The following LRRIQ4 variants were observed in gnomAD, a reference collection of about 807,000 sequenced individuals.
LRRIQ4 encodes the protein leucine rich repeats and IQ motif containing 4.
Under a neutral mutation model 40.1 loss-of-function variants are expected in LRRIQ4, and 21 were observed. The observed-to-expected ratio is 0.52, with a 90% CI of 0.37 to 0.75. The LOEUF is 0.75. Among genes scored for constraint, LRRIQ4 ranks in the 30% least tolerant of loss-of-function variants. The pLI, the probability that LRRIQ4 is intolerant of heterozygous loss-of-function variation, is 0.00. For synonymous variants in LRRIQ4, 277 were observed against 277.1 expected (o/e 1.00, Z 0.00); for missense variants, 655 against 660.0 (o/e 0.99, Z 0.08).
chr3:169,819,685 GA>G (rs1485584739), intron 1 of LRRIQ4, among the ~76,000 whole-genome samples: 5 of 152,156 alleles, frequency 3.3e-5, no homozygotes, highest in African/African-American at 1.2e-4. Flanking sequence ...CTTTATCTGG[GA>G]AACAGGGCAA....
chr3:169,814,066 T>A (rs568854078), intron 1 of LRRIQ4, among the ~76,000 whole-genome samples: 33 of 152,264 alleles, frequency 2.2e-4, no homozygotes, highest in Non-Finnish European at 3.8e-4. Context: ...AGTTAGACCC[T>A]CTGTCTTACC....
At chr3:169,815,291 G>C (rs189675784) in intron 1 of LRRIQ4, among the ~76,000 whole-genome samples, 1 of 151,502 alleles carries the variant, frequency 6.6e-6, no homozygotes, top group Admixed American at 6.6e-5. Context: ...TCCTTTTTTT[G>C]TGTGTGTGTC....
Position 169,822,827 on chromosome 3 carries a change from G to A in LRRIQ4, c.906G>A (p.Leu302=). ...GGCTGCGGGGCTCCTTCAGGTGCCT[G>A]GTCAACTTGCGCTTCCTGGACCTAA... The part of the protein sequence containing the change: ...LHRLRGSFRC[L]VNLRFLDLSQ... Residue 302 remains leucine, a synonymous_variant, in exon 2 of 6, where the codon CTG becomes CTA. Coordinates refer to ENST00000340806, the MANE Select transcript of LRRIQ4 (RefSeq NM_001080460.3). 1 of 1,613,506 alleles carries A rather than the reference G, an allele frequency of 6.2e-7. No homozygotes were observed. The highest frequency in any genetic ancestry group is 8.5e-7 in the Non-Finnish European group (1 of 1,179,696).
In LRRIQ4 at chr3:169,837,587, A is replaced by G; in HGVS notation, c.1639A>G (p.Lys547Glu). The change falls in exon 6 of 6, where the codon AAG becomes GAG. Residue 547 changes from lysine (K) to glutamate (E), a missense_variant. Transcript: ENST00000340806. The part of the protein sequence containing the change: ...GKTSPKDKKG[K>E]KDVKGKPGKG... The stretch of plus-strand genomic sequence containing the variant: ...GACCTCTCCAAAAGATAAGAAAGGA[A>G]AGAAGGATGTAAAAGGAAAACCAGG... 2 of 1,594,826 alleles carry G rather than the reference A, an allele frequency of 1.3e-6. No individual in the cohort carries two copies. The highest frequency in any genetic ancestry group is 1.7e-6 in the Non-Finnish European group (2 of 1,171,340).
At chr3:169,829,203 T>C (rs568866450) in intron 3 of LRRIQ4, among the ~76,000 whole-genome samples, 23 of 151,542 alleles carry the variant, frequency 1.5e-4, no homozygotes, top group Non-Finnish European at 3.3e-4. Flanking sequence ...AATTGAGTCA[T>C]AACTCTTTCC....
chr3:169,816,674 C>CTTTTTTTTTT (rs34890404), intron 1 of LRRIQ4, among the ~76,000 whole-genome samples: 2 of 136,042 alleles, frequency 1.5e-5, no homozygotes, highest in African/African-American at 5.5e-5. Flanking sequence ...TTTTCTTCTA[C>CTTTTTTTTTT]TTTTTTTTTT....
intron 2 of LRRIQ4, among the ~76,000 whole-genome samples, chr3:169,825,092 C>T (rs1780011703): frequency 6.6e-6 from 1 of 151,286 alleles, no homozygotes; most frequent in African/African-American, 2.4e-5. Context: ...ACTGCAACCT[C>T]CACCTCCCAG....
intron 1 of LRRIQ4, among the ~76,000 whole-genome samples, chr3:169,815,991 C>T (rs1216051062): frequency 6.6e-6 from 1 of 152,108 alleles, no homozygotes; most frequent in East Asian, 1.9e-4. Flanking sequence ...ATGAATGCCA[C>T]TTGGTCATGA....
At chr3:169,832,786 T>A (rs1780210597) in intron 4 of LRRIQ4, among the ~76,000 whole-genome samples, 1 of 152,232 alleles carries the variant, frequency 6.6e-6, no homozygotes, top group Non-Finnish European at 1.5e-5. Context: ...AATTCTGTTC[T>A]CTTCATTTTG....
Position 169,833,088 on chromosome 3 carries a change from A to T in LRRIQ4, c.1435A>T (p.Met479Leu). ...GGTTCTGACACTGATGGACAATCCC[A>T]TGGAAGAACCCCCAAAAGAAGTGTG... The part of the protein sequence containing the change: ...LKVLTLMDNP[M>L]EEPPKEVCAE... Residue 479 changes from methionine (M) to leucine (L), a missense_variant, in exon 5 of 6, where the codon ATG becomes TTG. Met to Leu is a conservative substitution (Grantham distance 15). Coordinates refer to ENST00000340806, the MANE Select transcript of LRRIQ4 (RefSeq NM_001080460.3). The T allele has an allele frequency of 2.5e-6, 4 of 1,614,000 alleles. No individual in the cohort carries two copies. The highest frequency in any genetic ancestry group is 3.4e-6 in the Non-Finnish European group (4 of 1,179,860).
Position 169,822,005 on chromosome 3 carries a change from T to A in LRRIQ4, c.84T>A (p.Phe28Leu). The change falls in exon 2 of 6, where the codon TTT (phenylalanine) becomes TTA (leucine). Residue 28 changes from phenylalanine to leucine, a missense_variant. Coordinates refer to ENST00000340806, the MANE Select transcript of LRRIQ4 (RefSeq NM_001080460.3). ...NDPQHVNDRT[F>L]FIDASNQSLT... ...CACAGCACGTCAATGATAGAACATTTTTCATTGATGCCTCTAATCAGAGCT... is the reference window on the plus strand; with the variant it reads ...CACAGCACGTCAATGATAGAACATTATTCATTGATGCCTCTAATCAGAGCT... 1 of 1,574,808 alleles carries A rather than the reference T, an allele frequency of 6.3e-7. No individual in the cohort carries two copies.
intron 3 of LRRIQ4, 65 bp downstream of exon 3, chr3:169,828,997 G>C (rs1156858309): frequency 7.2e-7 from 1 of 1,379,476 alleles, no homozygotes; most frequent in Non-Finnish European, 9.9e-7. Flanking sequence ...GGCTGAAACT[G>C]AGAAAATATG....
At position 169,822,153 on chromosome 3, in the gene LRRIQ4, C is replaced by T. The variant is rs1779909522; in HGVS notation, c.232C>T (p.Leu78=). The part of the protein sequence containing the change: ...QRLKNIRVLY[L]DKNNLRSLCP... The stretch of plus-strand genomic sequence containing the variant: ...TTTAAAGAACATCAGGGTCCTCTAC[C>T]TGGATAAGAACAACCTGAGGAGCCT... The change falls in exon 2 of 6, where the codon CTG becomes TTG. Residue 78 remains leucine, a synonymous_variant. Transcript: ENST00000340806. 2 of 1,612,770 alleles carry T rather than the reference C, an allele frequency of 1.2e-6. No homozygotes were observed. The highest frequency in any genetic ancestry group is 8.5e-7 in the Non-Finnish European group (1 of 1,179,596).
chr3:169,827,606 CAAAAAAAAAAAAAA>C (rs59524627), intron 2 of LRRIQ4, among the ~76,000 whole-genome samples: 2 of 77,522 alleles, frequency 2.6e-5, no homozygotes, highest in South Asian at 4.6e-4. Context: ...GACTCCGTCT[CAAAAAAAAAAAAAA>C]AAAAAAAAAA....
rs1780102292 is a variant in LRRIQ4 at position 169,828,902 on chromosome 3, C to A, written c.1164C>A (p.Thr388=). The change falls in exon 3 of 6, where the codon ACC becomes ACA. Residue 388 remains threonine (T), a synonymous_variant. Transcript: ENST00000340806. ...GGCAAGACCAGGGATTCAAACTTAC[C>A]TATGTGCCAGAACACATTAGGAAAC... is the stretch of plus-strand genomic sequence containing the variant. ...YIGQDQGFKL[T]YVPEHIRKLQ... is the part of the protein sequence containing the mutation. 2 of 1,613,438 alleles carry A rather than the reference C, an allele frequency of 1.2e-6. No individual in the cohort carries two copies. The highest frequency in any genetic ancestry group is 4.5e-5 in the East Asian group (2 of 44,872).
chr3:169,818,398 T>C (rs1225422562), intron 1 of LRRIQ4, among the ~76,000 whole-genome samples: 1 of 152,220 alleles, frequency 6.6e-6, no homozygotes, highest in East Asian at 1.9e-4. Context: ...TTCAATTTGG[T>C]GTTCCTGTTG....
intron 4 of LRRIQ4, 85 bp from the exon 5 acceptor site, chr3:169,832,902 C>T: frequency 3.4e-6 from 4 of 1,190,372 alleles, no homozygotes; most frequent in Non-Finnish European, 4.7e-6. Flanking sequence ...AGAATTGGAT[C>T]CCTCACCTAT....
At chr3:169,835,689 A>T (rs1048085493) in intron 5 of LRRIQ4, among the ~76,000 whole-genome samples, 1 of 152,094 alleles carries the variant, frequency 6.6e-6, no homozygotes, top group African/African-American at 2.4e-5. Flanking sequence ...AATTTCCAAA[A>T]TGCCTCTAGA....
rs558663278 is a variant in LRRIQ4, at chr3:169,824,008, C to T, written c.1020+1067C>T. 1.2e-3 allele frequency among the ~76,000 whole-genome samples: 184 copies of T among 152,020 alleles called. No individual in the cohort carries two copies. In the Middle Eastern group the frequency reaches 0.014, roughly 11 times the overall value. ...TTATTGAAAAGAAAACCTAAGGTTC[C>T]GCATCAAACTGCAGAACCTTATGAT... On this transcript the variant is annotated intron_variant, in intron 2 of 5. Transcript: ENST00000340806.
Sources: gnomAD v4.1 joint callset for allele counts (sites outside exome capture counted in the v4.1 genomes callset) on GRCh38, gnomAD v4.1.1 for gene constraint, MANE v1.5 for transcripts, NCBI Gene and HGNC (gene_info 2026-07-23, HGNC 2026-07-21) for gene names.